The following SLC25A13 variants were observed in gnomAD, a reference collection of about 807,000 sequenced individuals.
The protein encoded by SLC25A13 is solute carrier family 25 member 13, also known as electrogenic aspartate/glutamate antiporter SLC25A13, mitochondrial.
A neutral mutation model predicts 85.5 loss-of-function variants in SLC25A13; 70 were observed. That is an observed-to-expected ratio of 0.82 (90% CI 0.68 to 1.00). The LOEUF is 1.00. SLC25A13 is among the 50% of genes least tolerant of loss of function. The pLI is 0.00. For missense variants in SLC25A13, 765 were observed against 819.8 expected, an observed-to-expected ratio of 0.93 and a Z score of 0.82; for synonymous variants, 259 against 288.7, an observed-to-expected ratio of 0.90 and a Z score of 1.04.
chr7:96,271,263 T>C (rs569987786), intron 3 of SLC25A13, among the ~76,000 whole-genome samples: 16 of 152,274 alleles, frequency 1.1e-4, no homozygotes, highest in African/African-American at 3.1e-4. Context: ...AACAAATTGA[T>C]ATAAAACCCT....
At chr7:96,131,675 A>G (rs1792034609) in intron 15 of SLC25A13, 68 bp downstream of exon 15, 4 of 1,606,440 alleles carry the variant, frequency 2.5e-6, no homozygotes, top group South Asian at 2.2e-5. Context: ...TCAATGTAGT[A>G]GCATGCAGCT....
chr7:96,140,470 T>A (rs1792492189), intron 14 of SLC25A13, among the ~76,000 whole-genome samples: 1 of 133,658 alleles, frequency 7.5e-6, no homozygotes, highest in African/African-American at 2.8e-5. Flanking sequence ...AGTGGCACAA[T>A]CTCAGCTCAC....
At chr7:96,127,375 G>C (rs1321265778) in intron 15 of SLC25A13, among the ~76,000 whole-genome samples, 1 of 152,110 alleles carries the variant, frequency 6.6e-6, no homozygotes, top group Non-Finnish European at 1.5e-5. Context: ...GTTCTATCTT[G>C]TGAAATAACG....
chr7:96,156,815 G>A (rs1405715170), intron 13 of SLC25A13, among the ~76,000 whole-genome samples: 1 of 152,070 alleles, frequency 6.6e-6, no homozygotes, highest in African/African-American at 2.4e-5. Flanking sequence ...CCAAAGTGCT[G>A]GGATTACAGG....
intron 14 of SLC25A13, among the ~76,000 whole-genome samples, chr7:96,142,150 G>A (rs962968419): frequency 1.3e-5 from 2 of 152,054 alleles, no homozygotes; most frequent in African/African-American, 2.4e-5. Flanking sequence ...AGATTCAGGG[G>A]GTACACATAC....
intron 4 of SLC25A13, among the ~76,000 whole-genome samples, chr7:96,210,891 C>G (rs1479819954): frequency 6.9e-6 from 1 of 145,910 alleles, no homozygotes; most frequent in African/African-American, 2.5e-5. Flanking sequence ...TTCCTTTCTG[C>G]CAAGCATTCC....
intron 13 of SLC25A13, among the ~76,000 whole-genome samples, chr7:96,154,975 A>G (rs1379789826): frequency 6.6e-6 from 1 of 151,592 alleles, no homozygotes; most frequent in Non-Finnish European, 1.5e-5. Context: ...GTTTTTTTGT[A>G]ATTTTAGTAG....
chr7:96,320,004 G>A (rs1254662072), intron 1 of SLC25A13, among the ~76,000 whole-genome samples: 3 of 146,254 alleles, frequency 2.1e-5, no homozygotes, highest in African/African-American at 8.3e-5. Context: ...ATGTTTTGTC[G>A]TTGTTGTTAT....
chr7:96,205,155 G>A (rs1474198571), intron 5 of SLC25A13, among the ~76,000 whole-genome samples: 2 of 152,046 alleles, frequency 1.3e-5, no homozygotes, highest in Non-Finnish European at 2.9e-5. Context: ...TGATCCACCC[G>A]CCTCGGCCTC....
chr7:96,314,377 C>G (rs1318908692), intron 1 of SLC25A13, among the ~76,000 whole-genome samples: 1 of 151,978 alleles, frequency 6.6e-6, no homozygotes. Context: ...TTCATTTCAC[C>G]CAATTAGAGG....
intron 13 of SLC25A13, 151 bp downstream of exon 13, chr7:96,169,894 T>C (rs926430436): frequency 1.0e-5 from 8 of 770,418 alleles, no homozygotes; most frequent in African/African-American, 1.0e-4. Flanking sequence ...ATGGTTCGCC[T>C]GTCTAGGAAA....
intron 5 of SLC25A13, among the ~76,000 whole-genome samples, chr7:96,207,681 G>A (rs906803132): frequency 2.0e-5 from 3 of 152,134 alleles, no homozygotes; most frequent in African/African-American, 4.8e-5. Context: ...TGATAATGTT[G>A]TATTTAAAGT....
chr7:96,235,885 A>G (rs1330719675), intron 3 of SLC25A13, among the ~76,000 whole-genome samples: 1 of 152,228 alleles, frequency 6.6e-6, no homozygotes, highest in Non-Finnish European at 1.5e-5. Flanking sequence ...TTGACTTCCA[A>G]AGAGGAAATG....
Position 96,139,945 on chromosome 7 carries a change from C to CTTTTT in SLC25A13, c.1452+6606_1452+6610dup, listed in dbSNP as rs59749381. On this transcript the variant is annotated intron_variant, in intron 14 of 17. Transcript: ENST00000265631. ...CTCCTTCAGATATCTGATTTCCATT[C>CTTTTT]TTTTTTTTTTTTTTTTTTTTTTTTT... Among the ~76,000 whole-genome samples, 461 of 86,398 alleles carry CTTTTT rather than the reference C, an allele frequency of 5.3e-3. 22 individuals are homozygous for CTTTTT. The highest frequency in any genetic ancestry group is 6.0e-3 in the African/African-American group (135 of 22,338). 56.7% of individuals were successfully genotyped at this position (86,398 alleles called of 152,430 possible).
intron 15 of SLC25A13, among the ~76,000 whole-genome samples, chr7:96,128,939 G>GCTCTCTCTCTCTCTCTCTCTCTCTCT (rs58984088): frequency 1.2e-5 from 1 of 81,902 alleles, no homozygotes; most frequent in Admixed American, 1.4e-4. Context: ...TGCCTTGCTT[G>GCTCTCTCTCTCTCTCTCTCTCTCTCT]CTCTCTCTCT....
intron 13 of SLC25A13, among the ~76,000 whole-genome samples, chr7:96,169,642 G>A (rs77504558): frequency 0.03 from 4,638 of 152,218 alleles, 180 homozygotes; most frequent in African/African-American, 0.087. Flanking sequence ...GCAAAGCCAA[G>A]CAGAGAGCTA....
At chr7:96,248,270 C>T (rs971150383) in intron 3 of SLC25A13, among the ~76,000 whole-genome samples, 18 of 152,216 alleles carry the variant, frequency 1.2e-4, no homozygotes, top group African/African-American at 4.3e-4. Flanking sequence ...CATCAAATGG[C>T]ACTACTACCC....
At chr7:96,212,092 T>C (rs921325147) in intron 4 of SLC25A13, among the ~76,000 whole-genome samples, 14 of 4,662 alleles carry the variant, frequency 3.0e-3, no homozygotes, top group African/African-American at 3.4e-3. Flanking sequence ...TAAACACAGA[T>C]CATGTGTGAC....
At chr7:96,186,309 A>T (rs944676113) in intron 9 of SLC25A13, among the ~76,000 whole-genome samples, 1 of 151,856 alleles carries the variant, frequency 6.6e-6, no homozygotes, top group Admixed American at 6.6e-5. Flanking sequence ...CATGCCTGTA[A>T]TCTCAGCTAC....
Sources: gnomAD v4.1 joint callset for allele counts (sites outside exome capture counted in the v4.1 genomes callset) on GRCh38, gnomAD v4.1.1 for gene constraint, MANE v1.5 for transcripts, NCBI Gene and HGNC (gene_info 2026-07-23, HGNC 2026-07-21) for gene names.